TUBGCP3: variants seen among roughly 807,000 people sequenced by gnomAD.
TUBGCP3 encodes the protein gamma-tubulin complex component 3.
Under a neutral mutation model 123.1 loss-of-function variants are expected in TUBGCP3, and 50 were observed. That is an observed-to-expected ratio of 0.41 (90% CI 0.32 to 0.51). The LOEUF (loss-of-function observed/expected upper bound fraction) is 0.51. Among genes scored for constraint, TUBGCP3 ranks in the 20% least tolerant of loss-of-function variants. The pLI, the probability that TUBGCP3 is intolerant of heterozygous loss-of-function variation, is 0.36. For synonymous variants in TUBGCP3, 405 were observed against 413.9 expected, an observed-to-expected ratio of 0.98 and a Z score of 0.26; for missense variants, 882 against 1,127.0, an observed-to-expected ratio of 0.78 and a Z score of 3.11.
intron 1 of TUBGCP3, among the ~76,000 whole-genome samples, chr13:112,587,561 T>A (rs1467190546): frequency 1.3e-5 from 2 of 152,200 alleles, no homozygotes; most frequent in African/African-American, 4.8e-5. Context: ...ATTCCTCCCG[T>A]CCTCACTGAC....
At chr13:112,530,479 C>T (rs1334249225) in intron 11 of TUBGCP3, among the ~76,000 whole-genome samples, 1 of 152,228 alleles carries the variant, frequency 6.6e-6, no homozygotes. Flanking sequence ...TGCAGGTCCA[C>T]TTATAGGTGG....
intron 1 of TUBGCP3, among the ~76,000 whole-genome samples, chr13:112,585,011 T>C (rs148817887): frequency 6.6e-6 from 1 of 152,346 alleles, no homozygotes; most frequent in East Asian, 1.9e-4. Context: ...CACCATTATA[T>C]GTAGGTGCTT....
rs759805023 is a variant in TUBGCP3 at position 112,489,603 on chromosome 13, C to T, written c.2543G>A (p.Arg848Gln). 3.0e-5 allele frequency: 48 copies of T among 1,613,928 alleles called. No individual in the cohort carries two copies. The highest frequency in any genetic ancestry group is 1.6e-4 in the Middle Eastern group (1 of 6,084). The change falls in exon 21 of 22, where the codon CGA (arginine) becomes CAA (glutamine). Residue 848 changes from arginine to glutamine, a missense_variant. Around this residue, in one of 3 missense-constraint regions of TUBGCP3, gnomAD observed 160 missense variants for 220.3 expected, o/e 0.73. Coordinates refer to ENST00000261965, the MANE Select transcript of TUBGCP3 (RefSeq NM_006322.6). Reference sequence around the variant, plus strand: ...CACCTGGTAGAAATGGGTCAATATTCGCAACTGTGAGCACATTTTTGGTAT... The same window carrying T: ...CACCTGGTAGAAATGGGTCAATATTTGCAACTGTGAGCACATTTTTGGTAT... ...ESIPKMCSQL[R>Q]ILTHFYQGIV... is the part of the protein sequence containing the mutation.
In TUBGCP3 at chr13:112,511,174, A is replaced by G. The variant is rs1314200081; in HGVS notation, c.2086+5266T>C. ...AGAAAGTAAAACAGTTGCCAGTCAC[A>G]CTGACAGACACCCTGACCACAGTCC... On this transcript the variant is annotated intron_variant, in intron 17 of 21. Transcript: ENST00000261965. The surrounding 1 kb of genome is among the most constrained non-coding windows in gnomAD (Gnocchi z 4.1). Among the ~76,000 whole-genome samples the G allele has an allele frequency of 6.6e-6, 1 of 152,210 alleles. No homozygotes were observed. Among genetic ancestry groups the G allele is most frequent in the African/African-American group, 2.4e-5 (1 of 41,450 alleles).
rs528758980 is a variant in TUBGCP3 at position 112,509,042 on chromosome 13, C to T, written c.2087-4328G>A. Among the ~76,000 whole-genome samples, 47 of 152,344 alleles carry T rather than the reference C, an allele frequency of 3.1e-4. No homozygotes were observed. In the South Asian group the frequency reaches 9.5e-3, roughly 31 times the overall value. On this transcript the variant is annotated intron_variant, in intron 17 of 21. Coordinates refer to ENST00000261965, the MANE Select transcript of TUBGCP3 (RefSeq NM_006322.6). ...TGAATCCAGACCTTCAGGACGTGCTCGTGGCTGGGCTCTCCAGCCCCATGT... is the reference window on the plus strand; with the variant it reads ...TGAATCCAGACCTTCAGGACGTGCTTGTGGCTGGGCTCTCCAGCCCCATGT...
chr13:112,567,975 A>T (rs1162148776), intron 2 of TUBGCP3, among the ~76,000 whole-genome samples: 1 of 147,098 alleles, frequency 6.8e-6, no homozygotes, highest in Non-Finnish European at 1.5e-5. Flanking sequence ...TATCACTAAG[A>T]CCTAAGGCCA....
intron 19 of TUBGCP3, among the ~76,000 whole-genome samples, chr13:112,503,596 G>A (rs756804458): frequency 1.3e-5 from 2 of 151,928 alleles, no homozygotes; most frequent in African/African-American, 4.8e-5. Flanking sequence ...TCGAACTCCC[G>A]ACCTCAGGTG....
At chr13:112,571,312 A>G (rs1329645615) in intron 1 of TUBGCP3, among the ~76,000 whole-genome samples, 2 of 152,236 alleles carry the variant, frequency 1.3e-5, no homozygotes, top group Non-Finnish European at 1.5e-5. Flanking sequence ...TCTTTGGTCC[A>G]TGTTCTGCAG....
rs757800577 is a variant in TUBGCP3, at chr13:112,506,814, GTTGTT to G, written c.2087-2105_2087-2101del. Among the ~76,000 whole-genome samples, 4 of 152,184 alleles carry G rather than the reference GTTGTT, an allele frequency of 2.6e-5. No individual in the cohort carries two copies. In the East Asian group the frequency reaches 5.8e-4, roughly 22 times the overall value. On this transcript the variant is annotated intron_variant, in intron 17 of 21. Transcript: ENST00000261965. ...TCAATGTAAAGGGGCATAATAAAGT[GTTGTT>G]TTAAGTGATGTTCAGCCGTGTTATG...
chr13:112,529,921 G>A (rs891150921), intron 11 of TUBGCP3, among the ~76,000 whole-genome samples: 5 of 152,194 alleles, frequency 3.3e-5, no homozygotes, highest in Non-Finnish European at 7.4e-5. Context: ...CAAAATTAAC[G>A]ATCTCTTAGC....
intron 8 of TUBGCP3, among the ~76,000 whole-genome samples, chr13:112,551,627 C>CGA (rs1879596277): frequency 6.6e-6 from 1 of 152,198 alleles, no homozygotes; most frequent in South Asian, 2.1e-4. Context: ...ACACCCTAGT[C>CGA]CATACCTGCC....
chr13:112,595,227 C>T, the TUBGCP3 span, among the ~76,000 whole-genome samples: 2 of 150,692 alleles, frequency 1.3e-5, no homozygotes, highest in South Asian at 2.1e-4. Context: ...GACAGAGTCT[C>T]GCTCTGTCAC....
At position 112,569,213 on chromosome 13, in the gene TUBGCP3, G is replaced by A. The variant is rs767046987; in HGVS notation, c.123C>T (p.Ser41=). ...CTCTTTCAACAGTTGGGGCGAAGTTGCTGCCAATCACCCGCACAGCATACT... is the reference window on the plus strand; with the variant it reads ...CTCTTTCAACAGTTGGGGCGAAGTTACTGCCAATCACCCGCACAGCATACT... ...QFQYAVRVIG[S]NFAPTVERDE... Residue 41 remains serine (S), a synonymous_variant, in exon 2 of 22, where the codon AGC becomes AGT. Coordinates refer to ENST00000261965, the MANE Select transcript of TUBGCP3 (RefSeq NM_006322.6). The A allele has an allele frequency of 1.9e-6, 3 of 1,614,162 alleles. No individual in the cohort carries two copies. Among genetic ancestry groups the A allele is most frequent in the Non-Finnish European group, 1.7e-6 (2 of 1,180,032 alleles).
At chr13:112,555,072 T>C in intron 6 of TUBGCP3, 67 bp from the exon 7 acceptor site, 1 of 981,622 alleles carries the variant, frequency 1.0e-6, no homozygotes. Flanking sequence ...GATATTATGG[T>C]GCAATTAGCT....
intron 8 of TUBGCP3, among the ~76,000 whole-genome samples, chr13:112,552,445 T>A (rs1027235260): frequency 2.6e-5 from 4 of 152,204 alleles, no homozygotes; most frequent in Non-Finnish European, 5.9e-5. Context: ...AGCTCACTCC[T>A]ATCTGCCCTT....
rs773402219 is a variant in TUBGCP3 at position 112,516,541 on chromosome 13, C to T, written c.1985G>A (p.Arg662Lys). 3.7e-6 allele frequency: 6 copies of T among 1,614,140 alleles called. No homozygotes were observed. Among genetic ancestry groups the T allele is most frequent in the Non-Finnish European group, 5.1e-6 (6 of 1,180,026 alleles). ...CGCCCTCCAGAGGAAGTTAAATACT[C>T]TTAGGTAGTGGCTCATACATTCTCG... ...FTRECMSHYL[R>K]VFNFLWRAKR... Residue 662 changes from arginine (R) to lysine (K), a missense_variant, in exon 17 of 22, where the codon AGA becomes AAA. Physicochemically the swap from Arg to Lys is conservative, Grantham distance 26. Transcript: ENST00000261965.
intron 17 of TUBGCP3, among the ~76,000 whole-genome samples, chr13:112,512,409 C>T (rs865791160): frequency 2.9e-4 from 34 of 116,740 alleles, no homozygotes; most frequent in African/African-American, 1.1e-3. Flanking sequence ...GCCTGGGCGA[C>T]AGAGCAAGAC....
chr13:112,524,387 A>G lies in TUBGCP3; in HGVS notation c.1556-1878T>C, dbSNP rs1036622644. Among the ~76,000 whole-genome samples the G allele has an allele frequency of 6.6e-6, 1 of 152,154 alleles. No individual in the cohort carries two copies. Among genetic ancestry groups the G allele is most frequent in the Non-Finnish European group, 1.5e-5 (1 of 68,024 alleles). On this transcript the variant is annotated intron_variant, in intron 13 of 21. Transcript: ENST00000261965. The surrounding 1 kb of genome is among the most constrained non-coding windows in gnomAD (Gnocchi z 4.4). ...GCAGCACAGCAGACGCGGTGCTCAC[A>G]CAAGCAGCAGCAACCTTCATGGAGA... is the stretch of plus-strand genomic sequence containing the variant.
chr13:112,489,156 C>G (rs1234625615), intron 21 of TUBGCP3, among the ~76,000 whole-genome samples: 1 of 149,190 alleles, frequency 6.7e-6, no homozygotes, highest in Non-Finnish European at 1.5e-5. Flanking sequence ...GGGCCACCCC[C>G]AGGTCCCCAC....
Sources: gnomAD v4.1 joint callset for allele counts (sites outside exome capture counted in the v4.1 genomes callset) on GRCh38, gnomAD v4.1.1 for gene constraint, gnomAD v4.1.1 regional missense constraint, Gnocchi (gnomAD v3.1) non-coding constraint, MANE v1.5 for transcripts, NCBI Gene and HGNC (gene_info 2026-07-23, HGNC 2026-07-21) for gene names.